The following PLCB4 variants were observed in gnomAD, a reference collection of about 807,000 sequenced individuals.
PLCB4 encodes 1-phosphatidylinositol 4,5-bisphosphate phosphodiesterase beta-4.
PLCB4 carries 77 observed loss-of-function variants against 178.8 expected under a neutral mutation model. That is an observed-to-expected ratio of 0.43 (90% confidence interval 0.36 to 0.52). The LOEUF (loss-of-function observed/expected upper bound fraction) is 0.52, where lower values mean the gene tolerates loss of function less well. PLCB4 is among the 20% of genes least tolerant of loss of function. PLCB4 has a pLI of 0.00. For missense variants in PLCB4, 1,024 were observed against 1,453.4 expected (o/e 0.70, Z 4.80); for synonymous variants, 496 against 490.8 (o/e 1.01, Z -0.14).
intron 2 of PLCB4, among the ~76,000 whole-genome samples, chr20:9,180,765 A>C (rs1221844936): frequency 6.6e-6 from 1 of 152,182 alleles, no homozygotes; most frequent in Admixed American, 6.5e-5. Flanking sequence ...AAATTTTGCA[A>C]GAAAAAGCTC....
chr20:9,149,908 G>A (rs2092662955), intron 2 of PLCB4, among the ~76,000 whole-genome samples: 1 of 152,176 alleles, frequency 6.6e-6, no homozygotes, highest in African/African-American at 2.4e-5. Flanking sequence ...TTGAACTGCA[G>A]TGCAATCTTA....
chr20:9,423,455 A>G (rs1275258423), intron 27 of PLCB4, among the ~76,000 whole-genome samples: 1 of 152,220 alleles, frequency 6.6e-6, no homozygotes, highest in East Asian at 1.9e-4. Context: ...CTCATCCATT[A>G]TATGGGTGGG....
At chr20:9,137,240 C>G (rs2092402224) in intron 2 of PLCB4, among the ~76,000 whole-genome samples, 1 of 152,062 alleles carries the variant, frequency 6.6e-6, no homozygotes. Context: ...TTTGAGTGTT[C>G]CATCTGTTTC....
Position 9,338,961 on chromosome 20 carries a change from T to C in PLCB4, c.293T>C (p.Val98Ala). Residue 98 changes from valine to alanine, a missense_variant, in exon 7 of 40, where the codon GTT (valine) becomes GCT (alanine). By Grantham distance (64) the Val-to-Ala change is moderately conservative. Transcript: ENST00000378473. Reference protein sequence around the residue: ...KSENDLEGRIVCVCSGTDLVN... With the variant: ...KSENDLEGRIACVCSGTDLVN... ...GAAAATGATCTGGAAGGGCGGATAGTTTGTGTCTGCAGTGGCACAGATCTA... is the reference window on the plus strand; with the variant it reads ...GAAAATGATCTGGAAGGGCGGATAGCTTGTGTCTGCAGTGGCACAGATCTA... 6.2e-7 allele frequency: 1 copy of C among 1,613,512 alleles called. No homozygotes were observed. The highest frequency in any genetic ancestry group is 1.1e-5 in the South Asian group (1 of 91,064).
chr20:9,076,897 T>C (rs940119964), intron 1 of PLCB4, among the ~76,000 whole-genome samples: 2 of 152,206 alleles, frequency 1.3e-5, no homozygotes, highest in African/African-American at 4.8e-5. Context: ...GAAGTGATAA[T>C]GCAGAAATAT....
intron 32 of PLCB4, among the ~76,000 whole-genome samples, chr20:9,449,878 G>T (rs1045243842): frequency 1.7e-4 from 26 of 152,148 alleles, no homozygotes; most frequent in Admixed American, 5.9e-4. Flanking sequence ...GTGGAAAGGG[G>T]CAGAGACACA....
chr20:9,211,291 G>T (rs1440406595), intron 2 of PLCB4, among the ~76,000 whole-genome samples: 1 of 152,182 alleles, frequency 6.6e-6, no homozygotes, highest in Non-Finnish European at 1.5e-5. Flanking sequence ...ACAGTTGCTT[G>T]AAACTGCATA....
intron 2 of PLCB4, among the ~76,000 whole-genome samples, chr20:9,184,590 A>C (rs2093299746): frequency 8.8e-6 from 1 of 113,086 alleles, no homozygotes. Context: ...GTGACCCAGC[A>C]TTGTGCCTCA....
chr20:9,473,173 A>G lies in PLCB4; in HGVS notation c.3409-106A>G, dbSNP rs533858899. On this transcript the variant is annotated intron_variant, in intron 37 of 39. Transcript: ENST00000378473. The stretch of plus-strand genomic sequence containing the variant: ...TTTTGAGATGATTTTTTAAAAAATT[A>G]TTATCTCTTTCACTTAAATTATAAA... 284 of 639,542 alleles carry G rather than the reference A, an allele frequency of 4.4e-4. No homozygotes were observed. In the African/African-American group the frequency reaches 5.2e-3, roughly 12 times the overall value. The allele number at this position is 639,542 out of a possible 1,614,324, so 39.6% of individuals were successfully genotyped here. A position where few individuals can be genotyped will look rare whatever the true frequency, so the allele number is the denominator to read the frequency against.
chr20:9,296,570 G>A (rs938033706), intron 3 of PLCB4, among the ~76,000 whole-genome samples: 7 of 152,098 alleles, frequency 4.6e-5, no homozygotes, highest in Admixed American at 1.3e-4. Context: ...TATGTTTATT[G>A]TGGCACTATT....
At position 9,262,764 on chromosome 20, in the gene PLCB4, TAGATGTGTTCTC is replaced by T. The variant is rs533344224; in HGVS notation, c.-15-45035_-15-45024del. Among the ~76,000 whole-genome samples, 314 of 152,304 alleles carry T rather than the reference TAGATGTGTTCTC, an allele frequency of 2.1e-3. 6 individuals are homozygous for T. The highest frequency in any genetic ancestry group is 0.019 in the Admixed American group (291 of 15,294). On this transcript the variant is annotated intron_variant, in intron 3 of 39. Coordinates refer to ENST00000378473, the MANE Select transcript of PLCB4 (RefSeq NM_001377142.1). ...CAGGATGTTTTATACAACTCTGGAC[TAGATGTGTTCTC>T]TGATGAAAAGTGAAACTGCATCCTC... is the stretch of plus-strand genomic sequence containing the variant.
At chr20:9,105,206 C>T (rs1002494712) in intron 2 of PLCB4, among the ~76,000 whole-genome samples, 2 of 151,884 alleles carry the variant, frequency 1.3e-5, no homozygotes, top group Non-Finnish European at 2.9e-5. Context: ...AAATATTAGA[C>T]AATATTATTA....
At chr20:9,073,158 A>C (rs1287267427) in intron 1 of PLCB4, among the ~76,000 whole-genome samples, 1 of 152,186 alleles carries the variant, frequency 6.6e-6, no homozygotes, top group East Asian at 1.9e-4. Flanking sequence ...CAATTAAAGC[A>C]TGTCTTTGGC....
intron 3 of PLCB4, among the ~76,000 whole-genome samples, chr20:9,257,245 A>G (rs1002961199): frequency 6.6e-6 from 1 of 152,156 alleles, no homozygotes; most frequent in African/African-American, 2.4e-5. Flanking sequence ...ATAAGAAAGG[A>G]TGGAGGTAAC....
chr20:9,127,147 G>A (rs996870029), intron 2 of PLCB4, among the ~76,000 whole-genome samples: 6 of 152,024 alleles, frequency 3.9e-5, no homozygotes, highest in Non-Finnish European at 7.4e-5. Context: ...GAAGTAGAAG[G>A]GCGGTGTTAA....
intron 3 of PLCB4, among the ~76,000 whole-genome samples, chr20:9,272,120 G>C (rs1386758536): frequency 1.3e-5 from 2 of 151,574 alleles, no homozygotes; most frequent in Non-Finnish European, 2.9e-5. Context: ...CAAGGTTACA[G>C]TGAACTATGA....
chr20:9,373,395 CTG>C (rs1324389926), intron 12 of PLCB4, among the ~76,000 whole-genome samples: 3 of 152,134 alleles, frequency 2.0e-5, no homozygotes, highest in African/African-American at 2.4e-5. Context: ...GTAAATGTGT[CTG>C]TGTTTTTGCA....
chr20:9,142,189 C>A (rs1032603538), intron 2 of PLCB4, among the ~76,000 whole-genome samples: 1 of 151,954 alleles, frequency 6.6e-6, no homozygotes, highest in Non-Finnish European at 1.5e-5. Flanking sequence ...GTGGTCAGCA[C>A]CACAAGGGTG....
At position 9,339,344 on chromosome 20, in the gene PLCB4, G is replaced by A. The variant is rs201812521; in HGVS notation, c.369+307G>A. Reference sequence around the variant, plus strand: ...TAAAATGCAGATTCTGATTCAATAGGTCTGAGGTGGGGACAAGATTCTCCT... The same window carrying A: ...TAAAATGCAGATTCTGATTCAATAGATCTGAGGTGGGGACAAGATTCTCCT... On this transcript the variant is annotated intron_variant, in intron 7 of 39. Transcript: ENST00000378473. Among the ~76,000 whole-genome samples, 7 of 152,072 alleles carry A rather than the reference G, an allele frequency of 4.6e-5. No homozygotes were observed. The East Asian group carries it at 7.7e-4, about 17-fold the overall frequency.
Sources: allele counts gnomAD v4.1 joint callset (sites outside exome capture counted in the v4.1 genomes callset), GRCh38; gene constraint gnomAD v4.1.1; transcripts MANE v1.5; gene names NCBI Gene and HGNC (gene_info 2026-07-23, HGNC 2026-07-21).